Variants in AGBL4 observed in about 807,000 individuals in gnomAD.
AGBL4 encodes AGBL carboxypeptidase 4, also known as cytosolic carboxypeptidase 6.
Under a neutral mutation model 66.4 loss-of-function variants are expected in AGBL4, and 58 were observed. The ratio of observed to expected loss-of-function variants is 0.87; its 90% CI spans 0.71 to 1.09. AGBL4 has a LOEUF of 1.09. AGBL4 is among the 50% of genes least tolerant of loss of function. The pLI, the probability that AGBL4 is intolerant of heterozygous loss-of-function variation, is 0.00. For synonymous variants in AGBL4, 234 were observed against 222.9 expected (o/e 1.05, Z -0.44); for missense variants, 579 against 631.0 (o/e 0.92, Z 0.88).
At chr1:49,643,404 G>T (rs958611816) in intron 3 of AGBL4, among the ~76,000 whole-genome samples, 4 of 151,350 alleles carry the variant, frequency 2.6e-5, no homozygotes, top group African/African-American at 9.7e-5. Context: ...ATGGAAGAGA[G>T]ATAGAAGAAA....
intron 3 of AGBL4, among the ~76,000 whole-genome samples, chr1:49,314,385 C>A (rs1644999654): frequency 6.6e-6 from 1 of 151,946 alleles, no homozygotes; most frequent in Non-Finnish European, 1.5e-5. Flanking sequence ...CCCCTCCAGC[C>A]CCCATCCCCC....
intron 4 of AGBL4, among the ~76,000 whole-genome samples, chr1:49,083,497 G>T (rs1644843702): frequency 6.6e-6 from 1 of 152,244 alleles, no homozygotes; most frequent in Non-Finnish European, 1.5e-5. Context: ...GGCTGAAGCT[G>T]AACCTTGGCC....
At chr1:49,718,133 G>A (rs1181964483) in intron 2 of AGBL4, among the ~76,000 whole-genome samples, 1 of 152,050 alleles carries the variant, frequency 6.6e-6, no homozygotes, top group Non-Finnish European at 1.5e-5. Context: ...GATTCCCAAT[G>A]TTAGAGGTGG....
intron 5 of AGBL4, among the ~76,000 whole-genome samples, chr1:48,993,396 CAGAA>C (rs1246061343): frequency 6.6e-6 from 1 of 152,104 alleles, no homozygotes; most frequent in Non-Finnish European, 1.5e-5. Flanking sequence ...CTCTCTTCTC[CAGAA>C]AGAAAGGGGT....
At chr1:48,942,499 A>T (rs1374847562) in intron 5 of AGBL4, among the ~76,000 whole-genome samples, 1 of 152,202 alleles carries the variant, frequency 6.6e-6, no homozygotes, top group East Asian at 1.9e-4. Flanking sequence ...TTATTAAATG[A>T]GATGATTTTG....
intron 3 of AGBL4, among the ~76,000 whole-genome samples, chr1:49,645,767 C>CAAA (rs761674336): frequency 3.0e-5 from 2 of 67,334 alleles, no homozygotes; most frequent in Non-Finnish European, 3.1e-5. Context: ...AACATAGATG[C>CAAA]AAAAAAAAAA....
At chr1:49,005,212 A>T (rs1372029049) in intron 5 of AGBL4, among the ~76,000 whole-genome samples, 1 of 152,260 alleles carries the variant, frequency 6.6e-6, no homozygotes, top group African/African-American at 2.4e-5. Flanking sequence ...CTGAATTCCC[A>T]TAGAAACTAA....
chr1:48,960,476 T>G (rs184742245), intron 5 of AGBL4, among the ~76,000 whole-genome samples: 2 of 152,296 alleles, frequency 1.3e-5, no homozygotes, highest in East Asian at 3.9e-4. Flanking sequence ...TATGGTATTT[T>G]AAGCCATGAG....
In AGBL4 at chr1:48,533,694, T is replaced by C. The variant is rs1643925705; in HGVS notation, c.*479A>G. The C allele has an allele frequency of 5.6e-6, 1 of 178,504 alleles. No homozygotes were observed. The highest frequency in any genetic ancestry group is 1.3e-4 in the South Asian group (1 of 7,792). The allele number at this position is 178,504 out of a possible 1,614,324, so 11.1% of individuals were successfully genotyped here. A position where few individuals can be genotyped will look rare whatever the true frequency, so the allele number is the denominator to read the frequency against. ...CTGTCCCATTGTTCCCTAGGATGCA[T>C]TTGCCCTTTGGTTGCATGTGTTGTT... On this transcript the variant is annotated 3_prime_UTR_variant, in exon 14 of 14. Transcript: ENST00000371839.
chr1:49,982,056 C>T (rs1029504955), intron 1 of AGBL4, among the ~76,000 whole-genome samples: 9 of 152,182 alleles, frequency 5.9e-5, no homozygotes, highest in Admixed American at 4.6e-4. Flanking sequence ...TGTTTTGTGT[C>T]CACTACGGGT....
chr1:48,836,028 C>T (rs962148731), intron 6 of AGBL4, among the ~76,000 whole-genome samples: 12 of 151,968 alleles, frequency 7.9e-5, no homozygotes, highest in East Asian at 5.8e-4. Flanking sequence ...TACTGTTTGA[C>T]GAGTGGTTCC....
At chr1:48,812,621 A>G (rs1010907578) in intron 6 of AGBL4, among the ~76,000 whole-genome samples, 3 of 152,234 alleles carry the variant, frequency 2.0e-5, no homozygotes, top group Non-Finnish European at 2.9e-5. Context: ...TATATACCCA[A>G]AGGATTATAA....
intron 1 of AGBL4, among the ~76,000 whole-genome samples, chr1:49,879,842 T>TG (rs1249876747): frequency 2.9e-5 from 2 of 69,388 alleles, no homozygotes; most frequent in Non-Finnish European, 5.7e-5. Flanking sequence ...CCATATTTCT[T>TG]GGAGGCTTTG....
chr1:49,842,379 T>G lies in AGBL4; in HGVS notation c.157+9017A>C, dbSNP rs368243326. On this transcript the variant is annotated intron_variant, in intron 2 of 13. Transcript: ENST00000371839. ...GTGGACTCTGGAGTTCCCCAAGGCA[T>G]GTACCCAGGTGAGATGGGAGCCCTT... 256 of 600,914 alleles carry G rather than the reference T, an allele frequency of 4.3e-4. 1 individual carries two copies. The African/African-American group carries it at 4.6e-3, about 11-fold the overall frequency. 37.2% of individuals were successfully genotyped at this position (600,914 alleles called of 1,614,324 possible).
intron 4 of AGBL4, among the ~76,000 whole-genome samples, chr1:49,216,948 T>A (rs1359835212): frequency 6.6e-6 from 1 of 152,150 alleles, no homozygotes; most frequent in East Asian, 1.9e-4. Context: ...TCACTGGGAA[T>A]TAATGCCAGC....
At chr1:49,159,134 G>A (rs1025332458) in intron 4 of AGBL4, among the ~76,000 whole-genome samples, 2 of 151,878 alleles carry the variant, frequency 1.3e-5, no homozygotes, top group Admixed American at 6.6e-5. Context: ...TTGCCCATTA[G>A]TTGATTCTGT....
chr1:48,853,398 G>A (rs1647075724), intron 6 of AGBL4, among the ~76,000 whole-genome samples: 1 of 152,182 alleles, frequency 6.6e-6, no homozygotes, highest in Non-Finnish European at 1.5e-5. Context: ...ATCTATTGAT[G>A]TTTGAAACTG....
intron 5 of AGBL4, among the ~76,000 whole-genome samples, chr1:48,906,659 G>A (rs1211391221): frequency 2.0e-5 from 3 of 152,114 alleles, no homozygotes; most frequent in South Asian, 2.1e-4. Context: ...CAGATGGAGC[G>A]AGGGGAGCTA....
At chr1:50,010,284 G>A (rs1661434616) in intron 1 of AGBL4, among the ~76,000 whole-genome samples, 1 of 148,108 alleles carries the variant, frequency 6.8e-6, no homozygotes. Context: ...TCCAGCCTGG[G>A]CAATAGAGCA....
Sources: allele counts gnomAD v4.1 joint callset (sites outside exome capture counted in the v4.1 genomes callset), GRCh38; gene constraint gnomAD v4.1.1; transcripts MANE v1.5; gene names NCBI Gene and HGNC (gene_info 2026-07-23, HGNC 2026-07-21).